Variants in KL observed in about 807,000 individuals in gnomAD.
The protein encoded by KL is alpha-klotho.
Under a neutral mutation model 84.2 loss-of-function variants are expected in KL, and 62 were observed. The observed-to-expected ratio is 0.74, with a 90% CI of 0.60 to 0.91. The LOEUF is 0.91. KL is among the 40% of genes least tolerant of loss of function. KL has a pLI of 0.00. For synonymous variants in KL, 528 were observed against 528.0 expected (o/e 1.00, Z 0.00); for missense variants, 1,261 against 1,305.7 (o/e 0.97, Z 0.53).
At chr13:33,039,559 C>T (rs747402047) in intron 1 of KL, among the ~76,000 whole-genome samples, 13 of 151,810 alleles carry the variant, frequency 8.6e-5, no homozygotes, top group South Asian at 8.4e-4. Context: ...CCTAAATGCA[C>T]GTGGGGAGCC....
At chr13:33,046,540 G>T (rs190768580) in intron 1 of KL, among the ~76,000 whole-genome samples, 1 of 151,856 alleles carries the variant, frequency 6.6e-6, no homozygotes, top group African/African-American at 2.4e-5. Context: ...TTTTTCTCTA[G>T]TCAGTCTTGC....
chr13:33,054,904 G>T, intron 2 of KL, 143 bp from the exon 3 acceptor site: 1 of 1,079,830 alleles, frequency 9.3e-7, no homozygotes, highest in Non-Finnish European at 1.4e-6. Flanking sequence ...AGAGTCTTTC[G>T]TCAAGAAGAA....
intron 1 of KL, among the ~76,000 whole-genome samples, chr13:33,049,154 CTAATTTATTTTT>C (rs537872394): frequency 3.3e-5 from 5 of 152,216 alleles, no homozygotes; most frequent in African/African-American, 1.2e-4. Context: ...AAAATTCCTT[CTAATTTATTTTT>C]TAATGGTATG....
intron 4 of KL, 120 bp from the exon 5 acceptor site, chr13:33,063,729 A>G (rs1291140225): frequency 2.2e-6 from 2 of 889,080 alleles, no homozygotes; most frequent in African/African-American, 1.6e-5. Context: ...GTGAGTCAAG[A>G]TGGTGCCATT....
chr13:33,039,580 T>A (rs1273373970), intron 1 of KL, among the ~76,000 whole-genome samples: 1 of 152,088 alleles, frequency 6.6e-6, no homozygotes, highest in Non-Finnish European at 1.5e-5. Context: ...AAACAAGACT[T>A]CACAGGGGAG....
chr13:33,059,175 C>G (rs1042964180), intron 3 of KL, among the ~76,000 whole-genome samples: 1 of 152,194 alleles, frequency 6.6e-6, no homozygotes, highest in Non-Finnish European at 1.5e-5. Flanking sequence ...GAGGGGAACA[C>G]AGGCTTAGGG....
In KL at chr13:33,063,913, TC is replaced by T; in HGVS notation, c.2768del (p.Pro923ArgfsTer19). 6.2e-7 allele frequency: 1 copy of T among 1,614,192 alleles called. No individual in the cohort carries two copies. Among genetic ancestry groups the T allele is most frequent in the Non-Finnish European group, 8.5e-7 (1 of 1,180,044 alleles). ...CTTATTCGTTTAACGACCGCACAGC[TC>T]CGAGGTTTGGCCTCTATCGTTATGC... ...FAYSFNDRTA[P>X]RFGLYRYAAD... On this transcript the variant is annotated frameshift_variant, in exon 5 of 5. Transcript: ENST00000380099. LOFTEE classifies it high-confidence loss of function.
At chr13:33,017,383 T>G (rs536398091) in intron 1 of KL, 124 bp downstream of exon 1, 2 of 919,312 alleles carry the variant, frequency 2.2e-6, no homozygotes, top group East Asian at 5.3e-5. Flanking sequence ...GTGTATGTGG[T>G]CACCGGGGGA....
chr13:33,034,847 G>A (rs1337431058), intron 1 of KL, among the ~76,000 whole-genome samples: 2 of 152,090 alleles, frequency 1.3e-5, no homozygotes, highest in Non-Finnish European at 2.9e-5. Context: ...AAACTTTTTT[G>A]ATCTTGACCC....
intron 1 of KL, among the ~76,000 whole-genome samples, chr13:33,035,533 G>A (rs536750071): frequency 6.6e-6 from 1 of 152,272 alleles, no homozygotes; most frequent in East Asian, 1.9e-4. Context: ...ATGAACCATG[G>A]AATACTTTTG....
chr13:33,035,996 A>G (rs1593796117), intron 1 of KL, among the ~76,000 whole-genome samples: 1 of 152,260 alleles, frequency 6.6e-6, no homozygotes, highest in South Asian at 2.1e-4. Flanking sequence ...ATTGTCACCT[A>G]CTTTGGAAAA....
In KL at chr13:33,016,968, G is replaced by C; in HGVS notation, c.528G>C (p.Leu176=). 6.3e-7 allele frequency: 1 copy of C among 1,598,056 alleles called. No homozygotes were observed. The highest frequency in any genetic ancestry group is 8.5e-7 in the Non-Finnish European group (1 of 1,174,570). Reference sequence around the variant, plus strand: ...AGGGGCTGCGCTACTACCGGCGCCTGCTGGAGCGGCTGCGGGAGCTGGGCG... The same window carrying C: ...AGGGGCTGCGCTACTACCGGCGCCTCCTGGAGCGGCTGCGGGAGCTGGGCG... ...NREGLRYYRR[L]LERLRELGVQ... is the part of the protein sequence containing the mutation. Residue 176 remains leucine (L), a synonymous_variant, in exon 1 of 5, where the codon CTG becomes CTC. Coordinates refer to ENST00000380099, the MANE Select transcript of KL (RefSeq NM_004795.4).
chr13:33,017,277 G>C lies in KL; in HGVS notation c.819+18G>C. On this transcript the variant is annotated intron_variant, in intron 1 of 4. Transcript: ENST00000380099. Reference sequence around the variant, plus strand: ...TCCTCCTGGTGAGTGCGAGGGGCCAGGCGGAGGGCCACGCAGGGGAGACAG... The same window carrying C: ...TCCTCCTGGTGAGTGCGAGGGGCCACGCGGAGGGCCACGCAGGGGAGACAG... 6.5e-7 allele frequency: 1 copy of C among 1,545,268 alleles called. No homozygotes were observed. The highest frequency in any genetic ancestry group is 8.7e-7 in the Non-Finnish European group (1 of 1,150,836).
At chr13:33,044,535 A>G (rs1871448181) in intron 1 of KL, among the ~76,000 whole-genome samples, 1 of 151,202 alleles carries the variant, frequency 6.6e-6, no homozygotes, top group Admixed American at 6.6e-5. Context: ...CTTTTGTTAA[A>G]TTATTTTCTA....
intron 3 of KL, 63 bp from the exon 4 acceptor site, chr13:33,060,616 T>C: frequency 1.9e-6 from 3 of 1,593,318 alleles, no homozygotes. Flanking sequence ...GCTGAAATAA[T>C]TGCTTTGAAT....
At chr13:33,042,664 C>T (rs900081370) in intron 1 of KL, among the ~76,000 whole-genome samples, 1 of 152,082 alleles carries the variant, frequency 6.6e-6, no homozygotes, top group African/African-American at 2.4e-5. Flanking sequence ...TCTGCTATTG[C>T]GATTTAAGCT....
At position 33,061,376 on chromosome 13, in the gene KL, G is replaced by T. The variant is rs147902403; in HGVS notation, c.2297G>T (p.Gly766Val). 5.0e-6 allele frequency: 8 copies of T among 1,614,038 alleles called. No individual in the cohort carries two copies. The highest frequency in any genetic ancestry group is 1.3e-5 in the African/African-American group (1 of 74,902). The stretch of plus-strand genomic sequence containing the variant: ...GGCTGGCTGGCTGAGCCCATTTTCG[G>T]CTCTGGAGATTATCCATGGGTGATG... Reference protein sequence around the residue: ...DIGWLAEPIFGSGDYPWVMRD... With the variant: ...DIGWLAEPIFVSGDYPWVMRD... The change falls in exon 4 of 5, where the codon GGC becomes GTC. Residue 766 changes from glycine (G) to valine (V), a missense_variant. Physicochemically the swap from Gly to Val is moderately radical, Grantham distance 109. Coordinates refer to ENST00000380099, the MANE Select transcript of KL (RefSeq NM_004795.4).
rs1201340876 is a variant in KL, at chr13:33,020,943, T to A, written c.819+3684T>A. On this transcript the variant is annotated intron_variant, in intron 1 of 4. Coordinates refer to ENST00000380099, the MANE Select transcript of KL (RefSeq NM_004795.4). The stretch of plus-strand genomic sequence containing the variant: ...AGCTAACACGCTCCCTTGGGCCCCA[T>A]GCCTGAATGCCATCTCTTCCTTCTA... Among the ~76,000 whole-genome samples, 4 of 152,222 alleles carry A rather than the reference T, an allele frequency of 2.6e-5. No individual in the cohort carries two copies. In the South Asian group the frequency reaches 6.2e-4, roughly 24 times the overall value.
chr13:33,016,617 C>T lies in KL; in HGVS notation c.177C>T (p.Gly59=). 1 of 1,540,528 alleles carries T rather than the reference C, an allele frequency of 6.5e-7. No individual in the cohort carries two copies. The highest frequency in any genetic ancestry group is 8.8e-7 in the Non-Finnish European group (1 of 1,142,490). Residue 59 remains glycine (G), a synonymous_variant, in exon 1 of 5, where the codon GGC becomes GGT. Transcript: ENST00000380099. ...CCGAGGCCGCGGGCCTCTTCCAGGG[C>T]ACCTTCCCCGACGGCTTCCTCTGGG... ...PAPEAAGLFQ[G]TFPDGFLWAV... is the part of the protein sequence containing the mutation.
Sources: gnomAD v4.1 joint callset for allele counts (sites outside exome capture counted in the v4.1 genomes callset) on GRCh38, gnomAD v4.1.1 for gene constraint, MANE v1.5 for transcripts, NCBI Gene and HGNC (gene_info 2026-07-23, HGNC 2026-07-21) for gene names.